The following TSHZ1 variants were observed in gnomAD, a reference collection of about 807,000 sequenced individuals.
TSHZ1 encodes the protein teashirt zinc finger homeobox 1.
A neutral mutation model predicts 67.1 loss-of-function variants in TSHZ1; 12 were observed. The observed-to-expected ratio is 0.18, with a 90% CI of 0.11 to 0.29. The LOEUF (loss-of-function observed/expected upper bound fraction) is 0.29, where lower values mean the gene tolerates loss of function less well. Ranked by LOEUF, TSHZ1 falls within the 10% of genes least tolerant of loss-of-function variation. TSHZ1 has a pLI of 1.00. For missense variants in TSHZ1, 1,305 were observed against 1,413.9 expected, an observed-to-expected ratio of 0.92 and a Z score of 1.23; for synonymous variants, 632 against 622.4, an observed-to-expected ratio of 1.02 and a Z score of -0.23.
At chr18:75,257,931 C>T (rs2023381522) in intron 1 of TSHZ1, among the ~76,000 whole-genome samples, 1 of 152,216 alleles carries the variant, frequency 6.6e-6, no homozygotes, top group Non-Finnish European at 1.5e-5. Context: ...AGAACCGGGG[C>T]TGCACACGGG....
chr18:75,280,496 C>T (rs940136317), intron 1 of TSHZ1, among the ~76,000 whole-genome samples: 4 of 152,126 alleles, frequency 2.6e-5, no homozygotes, highest in African/African-American at 4.8e-5. Context: ...TCTTCTCTGG[C>T]ATTTAGATGT....
intron 1 of TSHZ1, among the ~76,000 whole-genome samples, chr18:75,219,333 C>A (rs2022815178): frequency 6.6e-6 from 1 of 152,042 alleles, no homozygotes; most frequent in South Asian, 2.1e-4. Context: ...AAATAAAGTA[C>A]CACTGTATTT....
chr18:75,212,041 C>G, intron 1 of TSHZ1, 125 bp downstream of exon 1: 7 of 656,190 alleles, frequency 1.1e-5, no homozygotes, highest in Non-Finnish European at 1.4e-5. Flanking sequence ...GGAGGCCCAG[C>G]CTGCGCTGGC....
Position 75,288,722 on chromosome 18 carries a change from C to G in TSHZ1, c.*81C>G. On this transcript the variant is annotated 3_prime_UTR_variant, in exon 2 of 2. Transcript: ENST00000580243. This position sits in a 1 kb window ranked among gnomAD's most constrained non-coding sequence, Gnocchi z 4.9. ...TAGGCCTGGCCTGAGCCTCTGAAAT[C>G]AGTCTTTCCTTTGTTGCTGGCCCGC... is the stretch of plus-strand genomic sequence containing the variant. The G allele has an allele frequency of 6.6e-7, 1 of 1,508,420 alleles. No homozygotes were observed. Among genetic ancestry groups the G allele is most frequent in the Non-Finnish European group, 8.8e-7 (1 of 1,131,662 alleles). The allele number at this position is 1,508,420 out of a possible 1,614,324, so 93.4% of individuals were successfully genotyped here. A position where few individuals can be genotyped will look rare whatever the true frequency, so the allele number is the denominator to read the frequency against.
At chr18:75,228,606 C>T (rs2022955835) in intron 1 of TSHZ1, among the ~76,000 whole-genome samples, 1 of 152,228 alleles carries the variant, frequency 6.6e-6, no homozygotes, top group Non-Finnish European at 1.5e-5. Context: ...AAGGTAGTAG[C>T]ATATGCAATA....
chr18:75,284,082 G>A (rs1304718009), intron 1 of TSHZ1: 1 of 152,670 alleles, frequency 6.6e-6, no homozygotes, highest in African/African-American at 2.4e-5. Flanking sequence ...CCAGCTAGTT[G>A]TTGCCTCGAG....
At chr18:75,224,616 A>G (rs1599026838) in intron 1 of TSHZ1, among the ~76,000 whole-genome samples, 1 of 152,310 alleles carries the variant, frequency 6.6e-6, no homozygotes, top group East Asian at 1.9e-4. Context: ...ATTTATAGCC[A>G]TCTAAGAAAC....
chr18:75,249,480 GTA>G (rs386804984), intron 1 of TSHZ1, among the ~76,000 whole-genome samples: 87 of 146,356 alleles, frequency 5.9e-4, no homozygotes, highest in African/African-American at 1.1e-3. Context: ...GGTGGCTTTG[GTA>G]GGGGGGAAGG....
intron 1 of TSHZ1, among the ~76,000 whole-genome samples, chr18:75,275,379 A>G (rs1176660893): frequency 6.6e-6 from 1 of 152,182 alleles, no homozygotes; most frequent in Non-Finnish European, 1.5e-5. Context: ...AGTGCTGTGA[A>G]GGTAACTGGG....
chr18:75,241,322 C>T (rs2023153415), intron 1 of TSHZ1, among the ~76,000 whole-genome samples: 1 of 152,126 alleles, frequency 6.6e-6, no homozygotes, highest in Admixed American at 6.5e-5. Flanking sequence ...CCTGTAAAAG[C>T]GATTGGTAGC....
intron 1 of TSHZ1, among the ~76,000 whole-genome samples, chr18:75,217,679 A>G (rs961639236): frequency 1.3e-5 from 2 of 152,184 alleles, no homozygotes; most frequent in African/African-American, 2.4e-5. Context: ...CAAGACTTTT[A>G]TGTTTCATGC....
Position 75,286,427 on chromosome 18 carries a change from A to C in TSHZ1, c.1020A>C (p.Pro340=). 1 of 1,614,204 alleles carries C rather than the reference A, an allele frequency of 6.2e-7. No homozygotes were observed. The highest frequency in any genetic ancestry group is 8.5e-7 in the Non-Finnish European group (1 of 1,180,032). ...ACCAGAAAGTGCCTCTGAAGGAGCC[A>C]GTGCCAGCCATCACCAAACTGGTCC... The part of the protein sequence containing the change: ...KHYQKVPLKE[P]VPAITKLVPS... Residue 340 remains proline, a synonymous_variant, in exon 2 of 2, where the codon CCA becomes CCC. Coordinates refer to ENST00000580243, the MANE Select transcript of TSHZ1 (RefSeq NM_001308210.2). This position sits in a 1 kb window ranked among gnomAD's most constrained non-coding sequence, Gnocchi z 5.1.
Position 75,281,995 on chromosome 18 carries a change from G to T in TSHZ1, c.41-3453G>T. ...CCCGTCCCTAGGGCAGGGACTTTAT[G>T]GACCCCCTCCTTCGACGTCCGCACT... On this transcript the variant is annotated intron_variant, in intron 1 of 1. Coordinates refer to ENST00000580243, the MANE Select transcript of TSHZ1 (RefSeq NM_001308210.2). This position sits in a 1 kb window ranked among gnomAD's most constrained non-coding sequence, Gnocchi z 5.3. 6.6e-6 allele frequency among the ~76,000 whole-genome samples: 1 copy of T among 152,114 alleles called. No homozygotes were observed. Among genetic ancestry groups the T allele is most frequent in the East Asian group, 1.9e-4 (1 of 5,180 alleles).
rs778358121 is a variant in TSHZ1, at chr18:75,288,452, G to A, written c.3045G>A (p.Ser1015=). ...LNQIQEQQNV[S]KVLTNKTLGP... ...AGATTCAAGAACAGCAGAATGTTTCGAAAGTCCTCACCAACAAAACTCTGG... is the reference window on the plus strand; with the variant it reads ...AGATTCAAGAACAGCAGAATGTTTCAAAAGTCCTCACCAACAAAACTCTGG... The change falls in exon 2 of 2, where the codon TCG becomes TCA. Residue 1015 remains serine (S), a synonymous_variant. Coordinates refer to ENST00000580243, the MANE Select transcript of TSHZ1 (RefSeq NM_001308210.2). The surrounding 1 kb of genome is among the most constrained non-coding windows in gnomAD (Gnocchi z 4.9). 1.2e-5 allele frequency: 20 copies of A among 1,614,016 alleles called. No individual in the cohort carries two copies. The highest frequency in any genetic ancestry group is 1.1e-4 in the African/African-American group (8 of 74,926).
intron 1 of TSHZ1, among the ~76,000 whole-genome samples, chr18:75,229,359 G>T (rs1333737722): frequency 6.6e-6 from 1 of 152,258 alleles, no homozygotes; most frequent in East Asian, 1.9e-4. Flanking sequence ...ATCTCTGGGA[G>T]CTTCCGGTCC....
intron 1 of TSHZ1, among the ~76,000 whole-genome samples, chr18:75,220,711 T>G (rs2022835195): frequency 6.6e-6 from 1 of 152,210 alleles, no homozygotes; most frequent in Non-Finnish European, 1.5e-5. Flanking sequence ...AACCTTTTCA[T>G]GTTTTCCAGG....
intron 1 of TSHZ1, among the ~76,000 whole-genome samples, chr18:75,229,973 G>A (rs2022976561): frequency 6.6e-6 from 1 of 152,158 alleles, no homozygotes; most frequent in Non-Finnish European, 1.5e-5. Context: ...GCTCATAATG[G>A]TGGTGATACT....
intron 1 of TSHZ1, among the ~76,000 whole-genome samples, chr18:75,266,843 A>T (rs1453986765): frequency 6.6e-6 from 1 of 152,236 alleles, no homozygotes; most frequent in African/African-American, 2.4e-5. Flanking sequence ...ATTGACATAA[A>T]GAATATTATT....
At chr18:75,237,591 C>T (rs528227295) in intron 1 of TSHZ1, among the ~76,000 whole-genome samples, 19 of 152,190 alleles carry the variant, frequency 1.2e-4, no homozygotes, top group African/African-American at 4.3e-4. Flanking sequence ...TATATACACA[C>T]AGGCAAACAT....
Sources: allele counts gnomAD v4.1 joint callset (sites outside exome capture counted in the v4.1 genomes callset), GRCh38; gene constraint gnomAD v4.1.1; non-coding constraint Gnocchi (gnomAD v3.1); transcripts MANE v1.5; gene names NCBI Gene and HGNC (gene_info 2026-07-23, HGNC 2026-07-21).